DCLK2: variants seen among roughly 807,000 people sequenced by gnomAD.
DCLK2 encodes the protein serine/threonine-protein kinase DCLK2.
DCLK2 carries 31 observed loss-of-function variants against 78.4 expected under a neutral mutation model. The ratio of observed to expected loss-of-function variants is 0.40; its 90% CI spans 0.30 to 0.53. The LOEUF is 0.53. Ranked by LOEUF, DCLK2 falls within the 20% of genes least tolerant of loss-of-function variation. The pLI is 0.61. For synonymous variants in DCLK2, 407 were observed against 374.9 expected, an observed-to-expected ratio of 1.09 and a Z score of -0.99; for missense variants, 872 against 973.7, an observed-to-expected ratio of 0.90 and a Z score of 1.39.
intron 1 of DCLK2, among the ~76,000 whole-genome samples, chr4:150,086,829 A>G (rs553853217): frequency 6.6e-6 from 1 of 151,894 alleles, no homozygotes; most frequent in Non-Finnish European, 1.5e-5. Flanking sequence ...TTTCATATTT[A>G]TTTCTCGTTA....
chr4:150,165,087 A>G (rs1198753834), intron 2 of DCLK2, among the ~76,000 whole-genome samples: 1 of 152,240 alleles, frequency 6.6e-6, no homozygotes, highest in East Asian at 1.9e-4. Context: ...TTTAGAGAAG[A>G]TTCCCTGAGG....
intron 2 of DCLK2, among the ~76,000 whole-genome samples, chr4:150,137,722 G>A (rs1402795873): frequency 6.6e-6 from 1 of 152,066 alleles, no homozygotes; most frequent in East Asian, 1.9e-4. Flanking sequence ...CATAGGGGTG[G>A]GGACAAGATT....
intron 7 of DCLK2, 111 bp downstream of exon 7, chr4:150,221,896 C>T: frequency 3.0e-6 from 2 of 656,534 alleles, no homozygotes; most frequent in Non-Finnish European, 4.9e-6. Flanking sequence ...TTAAAAAGGC[C>T]CTTCTGGAAA....
chr4:150,146,320 C>G (rs1189224979), intron 2 of DCLK2, among the ~76,000 whole-genome samples: 2 of 152,190 alleles, frequency 1.3e-5, no homozygotes, highest in African/African-American at 2.4e-5. Context: ...AACTTCAGCT[C>G]TCTTGAATTC....
intron 2 of DCLK2, among the ~76,000 whole-genome samples, chr4:150,184,127 C>T (rs536248531): frequency 1.3e-5 from 2 of 152,302 alleles, no homozygotes; most frequent in South Asian, 4.1e-4. Flanking sequence ...TAGTGGTGAA[C>T]AAGACTGCAT....
chr4:150,117,748 T>A (rs1732205896), intron 2 of DCLK2, among the ~76,000 whole-genome samples: 2 of 152,218 alleles, frequency 1.3e-5, no homozygotes, highest in South Asian at 4.1e-4. Context: ...CTTATAGTTT[T>A]CCACCTGGCT....
chr4:150,190,503 G>A (rs374052053), intron 2 of DCLK2, among the ~76,000 whole-genome samples: 1 of 152,122 alleles, frequency 6.6e-6, no homozygotes, highest in East Asian at 1.9e-4. Context: ...GTTACAACAT[G>A]GATGAACCTT....
At position 150,102,675 on chromosome 4, in the gene DCLK2, A is replaced by C; in HGVS notation, c.619A>C (p.Lys207Gln). ...KLVTVIRSGV[K>Q]PRKAVRILLN... is the part of the protein sequence containing the mutation. ...AGTGACTGTGATTCGAAGTGGAGTG[A>C]AGCCTAGAAAAGCCGTGCGGATCCT... The change falls in exon 2 of 16, where the codon AAG becomes CAG. Residue 207 changes from lysine to glutamine, a missense_variant. This residue lies in a region of DCLK2 where 567 missense variants were observed against 593.4 expected (regional missense o/e 0.96). Coordinates refer to ENST00000296550, the MANE Select transcript of DCLK2 (RefSeq NM_001040260.4). 1 of 1,614,072 alleles carries C rather than the reference A, an allele frequency of 6.2e-7. No homozygotes were observed. The highest frequency in any genetic ancestry group is 8.5e-7 in the Non-Finnish European group (1 of 1,179,988).
chr4:150,166,569 A>G (rs1736097522), intron 2 of DCLK2, among the ~76,000 whole-genome samples: 1 of 152,158 alleles, frequency 6.6e-6, no homozygotes, highest in Non-Finnish European at 1.5e-5. Flanking sequence ...AATTGCGAGT[A>G]TATCCTTGTT....
At chr4:150,234,952 A>G (rs1742376335) in intron 10 of DCLK2, among the ~76,000 whole-genome samples, 1 of 152,172 alleles carries the variant, frequency 6.6e-6, no homozygotes, top group Non-Finnish European at 1.5e-5. Context: ...CTTCGCAAAC[A>G]AAGGCACAGG....
intron 1 of DCLK2, among the ~76,000 whole-genome samples, chr4:150,099,524 G>A (rs906538878): frequency 6.6e-5 from 10 of 152,236 alleles, no homozygotes; most frequent in African/African-American, 2.4e-4. Context: ...GCTAGCTTGG[G>A]TACCTTGATG....
At chr4:150,081,830 TAA>T (rs144505113) in intron 1 of DCLK2, among the ~76,000 whole-genome samples, 88 of 143,162 alleles carry the variant, frequency 6.1e-4, no homozygotes, top group Non-Finnish European at 6.0e-4. Flanking sequence ...CATCTCTACT[TAA>T]AAAAAAAAAA....
chr4:150,210,625 C>T (rs573109036), intron 5 of DCLK2, among the ~76,000 whole-genome samples: 1 of 151,034 alleles, frequency 6.6e-6, no homozygotes, highest in Non-Finnish European at 1.5e-5. Context: ...GGCAACAGAG[C>T]GAGCCTCTGT....
At chr4:150,140,543 T>C (rs1734042579) in intron 2 of DCLK2, among the ~76,000 whole-genome samples, 1 of 152,186 alleles carries the variant, frequency 6.6e-6, no homozygotes, top group Non-Finnish European at 1.5e-5. Context: ...ATGGACTTTT[T>C]CACAAAAGCC....
intron 2 of DCLK2, among the ~76,000 whole-genome samples, chr4:150,139,659 A>G (rs1733971962): frequency 6.6e-6 from 1 of 152,208 alleles, no homozygotes; most frequent in Non-Finnish European, 1.5e-5. Flanking sequence ...TTGCAGAAAA[A>G]AGTCAGCACA....
At chr4:150,123,971 C>T (rs1417597942) in intron 2 of DCLK2, among the ~76,000 whole-genome samples, 1 of 150,986 alleles carries the variant, frequency 6.6e-6, no homozygotes, top group Non-Finnish European at 1.5e-5. Flanking sequence ...GCCTGGGAAG[C>T]AGAAGTTGCA....
At chr4:150,196,000 T>C (rs1739003348) in intron 3 of DCLK2, among the ~76,000 whole-genome samples, 2 of 152,164 alleles carry the variant, frequency 1.3e-5, no homozygotes, top group South Asian at 4.1e-4. Flanking sequence ...AATTTTACAA[T>C]GATTTTACAA....
chr4:150,243,612 A>G (rs1266843085), intron 12 of DCLK2, among the ~76,000 whole-genome samples: 3 of 152,216 alleles, frequency 2.0e-5, no homozygotes, highest in South Asian at 4.1e-4. Flanking sequence ...TTAAACTACA[A>G]TCGTTACTTG....
chr4:150,171,739 A>G (rs1736546199), intron 2 of DCLK2, among the ~76,000 whole-genome samples: 2 of 152,186 alleles, frequency 1.3e-5, no homozygotes, highest in African/African-American at 4.8e-5. Flanking sequence ...AACATTGGCT[A>G]CCGCATAAAA....
Sources: allele counts gnomAD v4.1 joint callset (sites outside exome capture counted in the v4.1 genomes callset), GRCh38; gene constraint gnomAD v4.1.1; regional missense constraint gnomAD v4.1.1; transcripts MANE v1.5; gene names NCBI Gene and HGNC (gene_info 2026-07-23, HGNC 2026-07-21).